SAMMSON: variants seen among roughly 807,000 people sequenced by gnomAD.
SAMMSON encodes survival associated mitochondrial melanoma specific oncogenic non-coding RNA, also known as long intergenic non-protein coding RNA 1212.
intron 4 of SAMMSON, among the ~76,000 whole-genome samples, chr3:70,116,744 A>G (rs1442562029): frequency 1.3e-5 from 2 of 152,186 alleles, no homozygotes; most frequent in African/African-American, 4.8e-5. Context: ...AACAAAGTAT[A>G]AAATATGTAA....
At chr3:70,199,899 A>C (rs2106719062) in intron 4 of SAMMSON, among the ~76,000 whole-genome samples, 1 of 152,286 alleles carries the variant, frequency 6.6e-6, no homozygotes, top group Middle Eastern at 3.4e-3. Flanking sequence ...CAACGTCTTC[A>C]AAACATCTCA....
At chr3:70,170,690 A>C (rs1416930023) in intron 4 of SAMMSON, among the ~76,000 whole-genome samples, 1 of 149,982 alleles carries the variant, frequency 6.7e-6, no homozygotes, top group Non-Finnish European at 1.5e-5. Flanking sequence ...TGTGAAGGAC[A>C]TTGTTAATTT....
chr3:70,394,361 C>T (rs949234559), downstream of SAMMSON, among the ~76,000 whole-genome samples: 2 of 152,074 alleles, frequency 1.3e-5, no homozygotes, highest in Non-Finnish European at 2.9e-5. Flanking sequence ...CACAATTTCC[C>T]TTTGCGTGGC....
At chr3:70,311,523 T>A (rs1330657654) in intron 7 of SAMMSON, among the ~76,000 whole-genome samples, 2 of 152,220 alleles carry the variant, frequency 1.3e-5, no homozygotes, top group South Asian at 2.1e-4. Context: ...TCTGTGATTA[T>A]TATTTAAAAA....
At chr3:70,073,772 A>G (rs551861413) in intron 4 of SAMMSON, among the ~76,000 whole-genome samples, 43 of 152,180 alleles carry the variant, frequency 2.8e-4, no homozygotes, top group African/African-American at 9.1e-4. Flanking sequence ...GCAGCATATT[A>G]TAAGTGGTTA....
At chr3:70,147,446 T>C (rs1014880718) in intron 4 of SAMMSON, among the ~76,000 whole-genome samples, 2 of 152,044 alleles carry the variant, frequency 1.3e-5, no homozygotes, top group Non-Finnish European at 2.9e-5. Context: ...GTCAAGACTG[T>C]GTGTTATTGT....
intron 2 of SAMMSON, among the ~76,000 whole-genome samples, chr3:70,426,312 G>A (rs1302174842): frequency 6.6e-6 from 1 of 152,168 alleles, no homozygotes; most frequent in Non-Finnish European, 1.5e-5. Context: ...AAACTCAACA[G>A]AGCATATATT....
At chr3:70,046,157 T>C (rs2067126447) in intron 3 of SAMMSON, among the ~76,000 whole-genome samples, 1 of 152,170 alleles carries the variant, frequency 6.6e-6, no homozygotes, top group Admixed American at 6.6e-5. Context: ...ATTTATTTTC[T>C]TCTTTGGCAC....
At chr3:70,215,839 C>A (rs530835086) in intron 4 of SAMMSON, among the ~76,000 whole-genome samples, 2 of 152,114 alleles carry the variant, frequency 1.3e-5, no homozygotes, top group Non-Finnish European at 2.9e-5. Context: ...TTTCAGTTGA[C>A]AATGGACTCA....
At chr3:70,185,560 G>A (rs1362284791) in intron 4 of SAMMSON, among the ~76,000 whole-genome samples, 2 of 152,098 alleles carry the variant, frequency 1.3e-5, no homozygotes, top group Non-Finnish European at 2.9e-5. Context: ...AATAACCCTT[G>A]GGTTGTCTTT....
At chr3:70,113,862 C>T (rs2067399629) in intron 4 of SAMMSON, among the ~76,000 whole-genome samples, 1 of 152,148 alleles carries the variant, frequency 6.6e-6, no homozygotes, top group Non-Finnish European at 1.5e-5. Flanking sequence ...GACTGTCTCT[C>T]TCTCTCAGCC....
intron 6 of SAMMSON, among the ~76,000 whole-genome samples, chr3:70,282,208 AG>A (rs1702092486): frequency 6.6e-6 from 1 of 152,146 alleles, no homozygotes. Flanking sequence ...CTTTCCTGGC[AG>A]TATTTGCTGT....
At chr3:70,287,676 T>C (rs1241905520) in intron 6 of SAMMSON, among the ~76,000 whole-genome samples, 2 of 152,146 alleles carry the variant, frequency 1.3e-5, no homozygotes, top group Non-Finnish European at 2.9e-5. Flanking sequence ...TGGCTGTGAA[T>C]CCGTCTGGTC....
chr3:70,182,831 T>C (rs1490235545), intron 4 of SAMMSON, among the ~76,000 whole-genome samples: 1 of 152,220 alleles, frequency 6.6e-6, no homozygotes, highest in African/African-American at 2.4e-5. Flanking sequence ...ACTATTTGTC[T>C]TTCTCTTTCT....
chr3:70,081,281 T>C (rs536902120), intron 4 of SAMMSON, among the ~76,000 whole-genome samples: 1 of 152,194 alleles, frequency 6.6e-6, no homozygotes, highest in South Asian at 2.1e-4. Context: ...GCCCGGCTAA[T>C]TTTTTGTATT....
At chr3:70,392,437 C>A (rs2106757946), downstream of SAMMSON, among the ~76,000 whole-genome samples, 1 of 152,210 alleles carries the variant, frequency 6.6e-6, no homozygotes, top group East Asian at 1.9e-4. Context: ...CAGGTGGCCC[C>A]CTCTCAAGGA....
chr3:70,126,332 T>A, intron 4 of SAMMSON: 1 of 1,187,556 alleles, frequency 8.4e-7, no homozygotes, highest in Non-Finnish European at 1.2e-6. Context: ...ATTCAAAGAC[T>A]AAAGTATGAC....
chr3:70,280,445 G>A (rs1702069973), intron 6 of SAMMSON, among the ~76,000 whole-genome samples: 1 of 152,082 alleles, frequency 6.6e-6, no homozygotes, highest in African/African-American at 2.4e-5. Flanking sequence ...TACCACCCTA[G>A]GCATGTAACT....
At chr3:70,044,102 G>C (rs1227709789) in intron 3 of SAMMSON, among the ~76,000 whole-genome samples, 1 of 151,936 alleles carries the variant, frequency 6.6e-6, no homozygotes, top group South Asian at 2.1e-4. Flanking sequence ...GGTGCCTGTG[G>C]GGTTTTTTTT....
Sources: allele counts gnomAD v4.1 joint callset (sites outside exome capture counted in the v4.1 genomes callset), GRCh38; gene constraint gnomAD v4.1.1; transcripts MANE v1.5; gene names NCBI Gene and HGNC (gene_info 2026-07-23, HGNC 2026-07-21).